The following ACBD6 variants were observed in gnomAD, a reference collection of about 807,000 sequenced individuals.
ACBD6 encodes the protein acyl-CoA-binding domain-containing protein 6.
A neutral mutation model predicts 37.2 loss-of-function variants in ACBD6; 28 were observed. That is an observed-to-expected ratio of 0.75 (90% CI 0.56 to 1.03). The LOEUF is 1.03. Among genes scored for constraint, ACBD6 ranks in the 50% least tolerant of loss-of-function variants. The probability of loss-of-function intolerance (pLI) is 0.00; values close to 1 mark genes in which losing one functional copy is unlikely to be tolerated. For missense variants in ACBD6, 340 were observed against 337.4 expected (o/e 1.01, Z -0.06); for synonymous variants, 113 against 126.8 (o/e 0.89, Z 0.73).
chr1:180,437,277 T>C (rs1408442457), intron 3 of ACBD6, among the ~76,000 whole-genome samples: 2 of 152,150 alleles, frequency 1.3e-5, no homozygotes, highest in Admixed American at 6.5e-5. Context: ...AGCCAGTTGG[T>C]AAGAAATTCT....
chr1:180,394,054 T>TA (rs1183104191), intron 6 of ACBD6, among the ~76,000 whole-genome samples: 1 of 152,192 alleles, frequency 6.6e-6, no homozygotes, highest in African/African-American at 2.4e-5. Flanking sequence ...GATATTTCCA[T>TA]ATACAATACC....
chr1:180,459,967 C>CTTTTTTTTTT (rs67323272), intron 3 of ACBD6, among the ~76,000 whole-genome samples: 7 of 107,974 alleles, frequency 6.5e-5, no homozygotes, highest in African/African-American at 1.3e-4. Context: ...CAGACTGCTT[C>CTTTTTTTTTT]TTTTTTTTTT....
intron 3 of ACBD6, among the ~76,000 whole-genome samples, chr1:180,490,813 A>T (rs1368560484): frequency 1.3e-4 from 19 of 150,900 alleles, no homozygotes; most frequent in Non-Finnish European, 1.0e-4. Flanking sequence ...AAAAAAATTT[A>T]AAAATTAGCC....
chr1:180,451,692 T>C (rs905990017), intron 3 of ACBD6, among the ~76,000 whole-genome samples: 2 of 152,140 alleles, frequency 1.3e-5, no homozygotes, highest in African/African-American at 4.8e-5. Flanking sequence ...AAAAACTAGA[T>C]TAATGGTTGC....
At chr1:180,447,724 CTTT>C (rs1295191661) in intron 3 of ACBD6, among the ~76,000 whole-genome samples, 4 of 152,000 alleles carry the variant, frequency 2.6e-5, no homozygotes, top group African/African-American at 4.8e-5. Flanking sequence ...GAAATTATAA[CTTT>C]TTTTGGATTT....
At chr1:180,312,622 G>A (rs1650637452) in intron 7 of ACBD6, among the ~76,000 whole-genome samples, 1 of 152,062 alleles carries the variant, frequency 6.6e-6, no homozygotes, top group Non-Finnish European at 1.5e-5. Flanking sequence ...TCTTGTTTCG[G>A]ATTTTAAAGA....
chr1:180,385,611 G>C (rs144385352), intron 6 of ACBD6, among the ~76,000 whole-genome samples: 223 of 151,936 alleles, frequency 1.5e-3, no homozygotes, highest in African/African-American at 5.1e-3. Context: ...GATAGGGCTG[G>C]TTCCCTTACA....
chr1:180,332,240 T>A (rs1400075406), intron 6 of ACBD6, among the ~76,000 whole-genome samples: 2 of 152,186 alleles, frequency 1.3e-5, no homozygotes, highest in Non-Finnish European at 2.9e-5. Flanking sequence ...CCCACATCAG[T>A]ACAAACCTCC....
chr1:180,341,483 CTT>C (rs1379785103), intron 6 of ACBD6, among the ~76,000 whole-genome samples: 1 of 151,836 alleles, frequency 6.6e-6, no homozygotes, highest in Non-Finnish European at 1.5e-5. Context: ...CAAAGATTTT[CTT>C]TTGTTTGCAT....
intron 7 of ACBD6, among the ~76,000 whole-genome samples, chr1:180,309,049 G>A (rs1650491634): frequency 6.6e-6 from 1 of 151,964 alleles, no homozygotes; most frequent in African/African-American, 2.4e-5. Flanking sequence ...ACAGAAAAAG[G>A]TTTTCATCTT....
At chr1:180,485,362 G>A (rs909585010) in intron 3 of ACBD6, among the ~76,000 whole-genome samples, 2 of 152,168 alleles carry the variant, frequency 1.3e-5, no homozygotes, top group Admixed American at 6.5e-5. Context: ...CTGTCAATGA[G>A]ACCTTAATTG....
At chr1:180,423,029 C>A (rs1230341170) in intron 4 of ACBD6, among the ~76,000 whole-genome samples, 5 of 151,970 alleles carry the variant, frequency 3.3e-5, no homozygotes. Context: ...TGTTTATGTG[C>A]CTACATTGTG....
At chr1:180,494,891 CT>C (rs1050498787) in intron 2 of ACBD6, among the ~76,000 whole-genome samples, 1 of 152,052 alleles carries the variant, frequency 6.6e-6, no homozygotes, top group South Asian at 2.1e-4. Context: ...AAAGTATACT[CT>C]TTTTTTTATA....
chr1:180,362,154 A>T (rs1432497657), intron 6 of ACBD6, among the ~76,000 whole-genome samples: 2 of 152,228 alleles, frequency 1.3e-5, no homozygotes, highest in Non-Finnish European at 2.9e-5. Flanking sequence ...AAAGAGAGGG[A>T]GAGAGGGACA....
intron 7 of ACBD6, among the ~76,000 whole-genome samples, chr1:180,302,597 A>G (rs1650174590): frequency 6.6e-6 from 1 of 151,924 alleles, no homozygotes; most frequent in Non-Finnish European, 1.5e-5. Flanking sequence ...CTTTATTTTG[A>G]GCCTATGCAA....
At chr1:180,380,967 C>T (rs1383390443) in intron 6 of ACBD6, among the ~76,000 whole-genome samples, 3 of 152,062 alleles carry the variant, frequency 2.0e-5, no homozygotes, top group East Asian at 1.9e-4. Context: ...ATACTGCCTA[C>T]GAGAAACTCA....
intron 7 of ACBD6, among the ~76,000 whole-genome samples, chr1:180,301,804 A>G (rs1345627128): frequency 6.6e-6 from 1 of 152,178 alleles, no homozygotes; most frequent in Non-Finnish European, 1.5e-5. Flanking sequence ...AGAGATGACC[A>G]GCATCACCTG....
At chr1:180,381,574 C>T (rs935413306) in intron 6 of ACBD6, among the ~76,000 whole-genome samples, 1 of 152,070 alleles carries the variant, frequency 6.6e-6, no homozygotes, top group African/African-American at 2.4e-5. Flanking sequence ...ACTTTGGAAA[C>T]TGTATAAATA....
chr1:180,500,137 A>T (rs1651899580), intron 1 of ACBD6, among the ~76,000 whole-genome samples: 1 of 151,778 alleles, frequency 6.6e-6, no homozygotes, highest in African/African-American at 2.4e-5. Flanking sequence ...TTAGTTAAAA[A>T]AAAAAAAAAA....
Sources: gnomAD v4.1 joint callset for allele counts (sites outside exome capture counted in the v4.1 genomes callset) on GRCh38, gnomAD v4.1.1 for gene constraint, MANE v1.5 for transcripts, NCBI Gene and HGNC (gene_info 2026-07-23, HGNC 2026-07-21) for gene names.